The following ZNF385D variants were observed in gnomAD, a reference collection of about 807,000 sequenced individuals.
ZNF385D encodes zinc finger protein 659.
In ZNF385D, 15 loss-of-function variants were observed where a neutral mutation model predicts 35.8. That is an observed-to-expected ratio of 0.42 (90% CI 0.28 to 0.64). ZNF385D has a LOEUF of 0.64. Among genes scored for constraint, ZNF385D ranks in the 30% least tolerant of loss-of-function variants. ZNF385D has a pLI of 0.23. For synonymous variants in ZNF385D, 212 were observed against 186.8 expected, an observed-to-expected ratio of 1.13 and a Z score of -1.10; for missense variants, 474 against 494.6, an observed-to-expected ratio of 0.96 and a Z score of 0.39.
intron 2 of ZNF385D, among the ~76,000 whole-genome samples, chr3:22,272,653 T>A (rs1701235552): frequency 6.6e-6 from 1 of 151,846 alleles, no homozygotes; most frequent in African/African-American, 2.4e-5. Context: ...CATAAAACTT[T>A]AAAAAAAATT....
rs397750655 is a variant in ZNF385D at position 21,896,834 on chromosome 3, T to TAA, written c.326-231808_326-231807dup. The stretch of plus-strand genomic sequence containing the variant: ...TGTTCTTAATACTTTTTTTTTTTTT[T>TAA]AAATGCTTAAACTAGACAGAGGTGA... On this transcript the variant is annotated intron_variant, in intron 3 of 5. Coordinates refer to the ZNF385D transcript ENST00000494108. Among the ~76,000 whole-genome samples, 1,023 of 147,106 alleles carry TAA rather than the reference T, an allele frequency of 7.0e-3. 9 individuals carry two copies. The highest frequency in any genetic ancestry group is 0.024 in the African/African-American group (969 of 39,942).
chr3:21,552,438 T>G (rs534471068), intron 3 of ZNF385D, among the ~76,000 whole-genome samples: 1 of 152,324 alleles, frequency 6.6e-6, no homozygotes, highest in Non-Finnish European at 1.5e-5. Context: ...AGACATTTCT[T>G]AAATTTCTAA....
intron 3 of ZNF385D, among the ~76,000 whole-genome samples, chr3:21,921,222 CAAAA>C (rs11387962): frequency 1.5e-5 from 1 of 68,956 alleles, no homozygotes; most frequent in African/African-American, 5.6e-5. Flanking sequence ...GACTCCATCT[CAAAA>C]AAAAAAAAAA....
chr3:22,251,132 A>T (rs1366955465), intron 2 of ZNF385D, among the ~76,000 whole-genome samples: 1 of 152,160 alleles, frequency 6.6e-6, no homozygotes, highest in Non-Finnish European at 1.5e-5. Context: ...TTTCCACCAA[A>T]TTTAAAAGAC....
At chr3:22,333,560 T>C (rs1258061170) in intron 2 of ZNF385D, among the ~76,000 whole-genome samples, 1 of 152,216 alleles carries the variant, frequency 6.6e-6, no homozygotes, top group Non-Finnish European at 1.5e-5. Flanking sequence ...CTTTGACATT[T>C]ACCCCATCCA....
At chr3:22,308,471 C>G in intron 2 of ZNF385D, among the ~76,000 whole-genome samples, 1 of 151,292 alleles carries the variant, frequency 6.6e-6, no homozygotes, top group East Asian at 1.9e-4. Context: ...GAGAGAAAGA[C>G]AGAGAGAAGG....
At chr3:22,099,220 T>C (rs1701795743) in intron 3 of ZNF385D, among the ~76,000 whole-genome samples, 1 of 152,094 alleles carries the variant, frequency 6.6e-6, no homozygotes, top group South Asian at 2.1e-4. Flanking sequence ...CAAGATAGTA[T>C]GCACAGTATT....
At chr3:22,123,986 A>ATATG (rs753742081) in intron 3 of ZNF385D, among the ~76,000 whole-genome samples, 2,821 of 121,514 alleles carry the variant, frequency 0.023, 71 homozygotes, top group African/African-American at 0.034. Context: ...ATATATATAT[A>ATATG]TATTGCTGAC....
At chr3:22,139,978 G>T (rs1383033840) in intron 3 of ZNF385D, among the ~76,000 whole-genome samples, 1 of 152,180 alleles carries the variant, frequency 6.6e-6, no homozygotes, top group African/African-American at 2.4e-5. Context: ...TGAGGATATA[G>T]AGAATCTCTC....
chr3:22,124,063 A>G (rs1703281109), intron 3 of ZNF385D, among the ~76,000 whole-genome samples: 1 of 149,624 alleles, frequency 6.7e-6, no homozygotes, highest in South Asian at 2.1e-4. Flanking sequence ...TTTTGTGTGC[A>G]TTAACCATTC....
chr3:21,845,874 T>C (rs1695974566), intron 3 of ZNF385D, among the ~76,000 whole-genome samples: 1 of 151,964 alleles, frequency 6.6e-6, no homozygotes, highest in South Asian at 2.1e-4. Flanking sequence ...TGGAAAAATA[T>C]TTAGAGATTC....
chr3:22,259,482 G>A (rs1464885144), intron 2 of ZNF385D, among the ~76,000 whole-genome samples: 1 of 151,888 alleles, frequency 6.6e-6, no homozygotes, highest in Non-Finnish European at 1.5e-5. Flanking sequence ...TAAAATGCAA[G>A]TAGTTTAGCC....
At chr3:21,485,667 C>G (rs1311799397) in intron 4 of ZNF385D, among the ~76,000 whole-genome samples, 2 of 151,990 alleles carry the variant, frequency 1.3e-5, no homozygotes, top group Admixed American at 1.3e-4. Flanking sequence ...AATTCTAATT[C>G]ACATTAATAA....
chr3:21,585,172 A>C (rs1323153973), intron 2 of ZNF385D, among the ~76,000 whole-genome samples: 3 of 152,206 alleles, frequency 2.0e-5, no homozygotes, highest in Non-Finnish European at 4.4e-5. Flanking sequence ...ACATCAATAA[A>C]GTTTGCAGGT....
At chr3:21,594,860 A>T (rs564337546) in intron 2 of ZNF385D, among the ~76,000 whole-genome samples, 23 of 152,310 alleles carry the variant, frequency 1.5e-4, no homozygotes, top group African/African-American at 4.8e-4. Flanking sequence ...TGAACCCATG[A>T]TAATTATAAA....
At chr3:21,453,915 T>C (rs1479576200) in intron 4 of ZNF385D, among the ~76,000 whole-genome samples, 2 of 152,034 alleles carry the variant, frequency 1.3e-5, no homozygotes, top group African/African-American at 2.4e-5. Context: ...TGTATACTCA[T>C]AGCAGCAGTA....
At chr3:21,931,652 G>T (rs1420612557) in intron 3 of ZNF385D, among the ~76,000 whole-genome samples, 1 of 152,146 alleles carries the variant, frequency 6.6e-6, no homozygotes, top group Non-Finnish European at 1.5e-5. Flanking sequence ...GATGCTAGAT[G>T]CAGATGGAAA....
intron 1 of ZNF385D, among the ~76,000 whole-genome samples, chr3:21,707,694 A>T (rs1453911052): frequency 2.0e-5 from 3 of 152,220 alleles, no homozygotes; most frequent in Non-Finnish European, 2.9e-5. Context: ...ATTCGAATAT[A>T]GATATAAATT....
intron 2 of ZNF385D, among the ~76,000 whole-genome samples, chr3:22,171,869 T>A (rs1283399049): frequency 9.2e-6 from 1 of 108,852 alleles, no homozygotes. Context: ...AGAGCAAGAC[T>A]CGGTCTCAAA....
Sources: gnomAD v4.1 joint callset for allele counts (sites outside exome capture counted in the v4.1 genomes callset) on GRCh38, gnomAD v4.1.1 for gene constraint, MANE v1.5 for transcripts, NCBI Gene and HGNC (gene_info 2026-07-23, HGNC 2026-07-21) for gene names.